SAMD12: variants seen among roughly 807,000 people sequenced by gnomAD.
SAMD12 encodes sterile alpha motif domain containing 12.
A neutral mutation model predicts 15.0 loss-of-function variants in SAMD12; 9 were observed. The ratio of observed to expected loss-of-function variants is 0.60; its 90% confidence interval spans 0.36 to 1.05. The LOEUF (loss-of-function observed/expected upper bound fraction) is 1.05, where lower values mean the gene tolerates loss of function less well. Ranked by LOEUF, SAMD12 falls within the 50% of genes least tolerant of loss-of-function variation. SAMD12 has a pLI of 0.01. For synonymous variants in SAMD12, 86 were observed against 90.1 expected (o/e 0.96, Z 0.25); for missense variants, 230 against 234.2 (o/e 0.98, Z 0.12).
At chr8:118,315,163 C>T (rs1815829532) in intron 4 of SAMD12, among the ~76,000 whole-genome samples, 1 of 152,198 alleles carries the variant, frequency 6.6e-6, no homozygotes, top group Admixed American at 6.5e-5. Context: ...GACATGCTCA[C>T]ATGGAACCAC....
chr8:118,437,650 C>T (rs965096139), intron 3 of SAMD12, among the ~76,000 whole-genome samples: 2 of 152,214 alleles, frequency 1.3e-5, no homozygotes, highest in East Asian at 3.9e-4. Flanking sequence ...GCCCAAGATC[C>T]CAAGAAAGTA....
chr8:118,541,649 A>G (rs1171747098), intron 2 of SAMD12, among the ~76,000 whole-genome samples: 1 of 152,214 alleles, frequency 6.6e-6, no homozygotes, highest in Non-Finnish European at 1.5e-5. Context: ...TTGCTGTTCT[A>G]AGTTATTACC....
chr8:118,578,966 T>G (rs1827218366), intron 2 of SAMD12, among the ~76,000 whole-genome samples: 1 of 152,160 alleles, frequency 6.6e-6, no homozygotes, highest in Admixed American at 6.5e-5. Flanking sequence ...AAAGGCACAT[T>G]ATACACATCC....
At chr8:118,372,636 A>G (rs1819163788) in intron 4 of SAMD12, among the ~76,000 whole-genome samples, 3 of 152,138 alleles carry the variant, frequency 2.0e-5, no homozygotes, top group Admixed American at 1.3e-4. Context: ...ATAAAAACCT[A>G]TGTGTGAGTG....
intron 4 of SAMD12, among the ~76,000 whole-genome samples, chr8:118,334,756 C>T (rs1003600839): frequency 3.3e-5 from 5 of 151,996 alleles, no homozygotes; most frequent in Admixed American, 1.3e-4. Context: ...CCACCATACC[C>T]GGCTAATTTT....
chr8:118,553,218 C>G (rs1156593518), intron 2 of SAMD12, among the ~76,000 whole-genome samples: 2 of 152,102 alleles, frequency 1.3e-5, no homozygotes, highest in Non-Finnish European at 2.9e-5. Context: ...AAGCCCACAT[C>G]GCCAAGGCAA....
At chr8:118,317,010 C>G (rs1815952228) in intron 4 of SAMD12, among the ~76,000 whole-genome samples, 1 of 151,878 alleles carries the variant, frequency 6.6e-6, no homozygotes, top group African/African-American at 2.4e-5. Context: ...AGGATAGGCA[C>G]TAATCCAGTA....
chr8:118,549,479 T>C (rs1019050150), intron 2 of SAMD12, among the ~76,000 whole-genome samples: 5 of 152,140 alleles, frequency 3.3e-5, no homozygotes, highest in Non-Finnish European at 5.9e-5. Context: ...TCCTGTCTGT[T>C]AGAAGGAAAA....
chr8:118,548,799 C>G (rs1191601424), intron 2 of SAMD12, among the ~76,000 whole-genome samples: 1 of 152,224 alleles, frequency 6.6e-6, no homozygotes, highest in Non-Finnish European at 1.5e-5. Flanking sequence ...CAGACGGCAC[C>G]TGGAAAATCG....
the SAMD12 span, among the ~76,000 whole-genome samples, chr8:118,166,194 G>GCCT: frequency 2.0e-5 from 3 of 152,120 alleles, no homozygotes; most frequent in Admixed American, 2.0e-4. Flanking sequence ...GTCAAAAATG[G>GCCT]ATATAAGGGG....
At chr8:118,206,830 C>T (rs777192104) in intron 4 of SAMD12, among the ~76,000 whole-genome samples, 1 of 152,208 alleles carries the variant, frequency 6.6e-6, no homozygotes, top group Non-Finnish European at 1.5e-5. Flanking sequence ...ACTGATATTG[C>T]TAGTCTGAGG....
chr8:118,497,286 AC>A (rs1224881519), intron 2 of SAMD12, among the ~76,000 whole-genome samples: 1 of 152,230 alleles, frequency 6.6e-6, no homozygotes, highest in Non-Finnish European at 1.5e-5. Flanking sequence ...GCATCACAGC[AC>A]TATTCACAAT....
intron 2 of SAMD12, among the ~76,000 whole-genome samples, chr8:118,491,932 G>A (rs1824452281): frequency 6.6e-6 from 1 of 152,112 alleles, no homozygotes; most frequent in Non-Finnish European, 1.5e-5. Flanking sequence ...TTGTGTGGAT[G>A]TTTTTATTTC....
chr8:118,521,961 C>T (rs1825398873), intron 2 of SAMD12, among the ~76,000 whole-genome samples: 1 of 152,018 alleles, frequency 6.6e-6, no homozygotes, highest in Non-Finnish European at 1.5e-5. Flanking sequence ...ATATATTTGT[C>T]AACAGAAAAT....
the SAMD12 span, among the ~76,000 whole-genome samples, chr8:118,183,467 A>C: frequency 6.6e-6 from 1 of 152,272 alleles, no homozygotes; most frequent in East Asian, 1.9e-4. Context: ...GAGTTTAAGG[A>C]CCAGTTAGGC....
chr8:118,152,991 T>G, the SAMD12 span, among the ~76,000 whole-genome samples: 1 of 152,176 alleles, frequency 6.6e-6, no homozygotes. Context: ...TCATGTACAT[T>G]TGATAAGCAG....
At chr8:118,618,044 A>C (rs937236778) in intron 1 of SAMD12, among the ~76,000 whole-genome samples, 2 of 136,702 alleles carry the variant, frequency 1.5e-5, no homozygotes, top group Non-Finnish European at 3.0e-5. Context: ...TTTTTTTTTA[A>C]AAAAAGGCAA....
exon 5 of SAMD12, chr8:118,190,159 T>A (rs1183608455): frequency 6.6e-6 from 1 of 152,178 alleles, no homozygotes; most frequent in Non-Finnish European, 1.5e-5. Flanking sequence ...TTAGTGTCTG[T>A]GAAGGAATGA....
intron 2 of SAMD12, among the ~76,000 whole-genome samples, chr8:118,455,777 G>A (rs778428955): frequency 3.4e-4 from 51 of 152,114 alleles, no homozygotes; most frequent in Non-Finnish European, 6.9e-4. Context: ...AGATCCTGAC[G>A]AAAATCCCAG....
Sources: gnomAD v4.1 joint callset for allele counts (sites outside exome capture counted in the v4.1 genomes callset) on GRCh38, gnomAD v4.1.1 for gene constraint, MANE v1.5 for transcripts, NCBI Gene and HGNC (gene_info 2026-07-23, HGNC 2026-07-21) for gene names.